SPATA16: variants seen among roughly 807,000 people sequenced by gnomAD.
SPATA16 encodes spermatogenesis-associated protein 16.
A neutral mutation model predicts 63.3 loss-of-function variants in SPATA16; 36 were observed. That is an observed-to-expected ratio of 0.57 (90% confidence interval 0.44 to 0.75). The LOEUF (loss-of-function observed/expected upper bound fraction) is 0.75. Among genes scored for constraint, SPATA16 ranks in the 30% least tolerant of loss-of-function variants. The probability of loss-of-function intolerance (pLI) is 0.00; values close to 1 mark genes in which losing one functional copy is unlikely to be tolerated. For missense variants in SPATA16, 646 were observed against 679.3 expected (o/e 0.95, Z 0.54); for synonymous variants, 203 against 216.7 (o/e 0.94, Z 0.56).
At chr3:173,004,432 C>CAAAA (rs76567834) in intron 4 of SPATA16, among the ~76,000 whole-genome samples, 1 of 103,922 alleles carries the variant, frequency 9.6e-6, no homozygotes, top group African/African-American at 3.3e-5. Context: ...ATACCATATA[C>CAAAA]AAAAAAAAAA....
intron 3 of SPATA16, among the ~76,000 whole-genome samples, chr3:173,033,998 C>T (rs1577141711): frequency 6.6e-6 from 1 of 152,212 alleles, no homozygotes; most frequent in Admixed American, 6.5e-5. Context: ...AGCTGCCGCG[C>T]CTGGCTGAGA....
intron 1 of SPATA16, among the ~76,000 whole-genome samples, chr3:173,136,894 G>A (rs901139777): frequency 6.6e-5 from 10 of 152,176 alleles, no homozygotes; most frequent in Non-Finnish European, 1.3e-4. Flanking sequence ...CAGCCACCAA[G>A]TAGACGAATA....
Position 172,913,649 on chromosome 3 carries a change from T to C in SPATA16, c.1587+12A>G. 10 of 1,612,308 alleles carry C rather than the reference T, an allele frequency of 6.2e-6. No individual in the cohort carries two copies. The highest frequency in any genetic ancestry group is 8.5e-6 in the Non-Finnish European group (10 of 1,178,614). ...GAATAATAGATCTTTTTCCTTCAGC[T>C]CAAAGTTTTACCTTTTGGATCATAT... On this transcript the variant is annotated intron_variant, in intron 10 of 10. Coordinates refer to ENST00000351008, the MANE Select transcript of SPATA16 (RefSeq NM_031955.6).
chr3:173,008,276 T>A (rs1734988275), intron 4 of SPATA16, among the ~76,000 whole-genome samples: 2 of 152,272 alleles, frequency 1.3e-5, no homozygotes, highest in Middle Eastern at 3.4e-3. Context: ...TTTACAAAAA[T>A]TTGTTTATTT....
intron 10 of SPATA16, among the ~76,000 whole-genome samples, chr3:172,909,159 T>C (rs1191591420): frequency 8.5e-5 from 13 of 152,234 alleles, no homozygotes; most frequent in Admixed American, 8.5e-4. Flanking sequence ...CTTGGAGGCC[T>C]TGACTTTACT....
In SPATA16 at chr3:173,093,332, C is replaced by T. The variant is rs189971047; in HGVS notation, c.612+23788G>A. 1.3e-3 allele frequency among the ~76,000 whole-genome samples: 203 copies of T among 152,126 alleles called. 1 individual carries two copies. The highest frequency in any genetic ancestry group is 2.3e-3 in the Non-Finnish European group (158 of 67,960). ...AATGAAATAAAAATTGTGGGAAGCA[C>T]AGCTCTAGACTCTGTCAGATGCCAT... On this transcript the variant is annotated intron_variant, in intron 2 of 10. Transcript: ENST00000351008.
At chr3:173,017,592 C>T (rs1430427969) in intron 4 of SPATA16, among the ~76,000 whole-genome samples, 4 of 152,176 alleles carry the variant, frequency 2.6e-5, no homozygotes, top group Admixed American at 2.6e-4. Flanking sequence ...TAGCTTCTCC[C>T]AGCATTGCTA....
intron 8 of SPATA16, among the ~76,000 whole-genome samples, chr3:172,920,389 TA>T (rs1732592333): frequency 6.6e-6 from 1 of 152,206 alleles, no homozygotes; most frequent in African/African-American, 2.4e-5. Context: ...CTCTGTACTT[TA>T]AAAAAGATAT....
At chr3:173,018,106 A>G (rs116002812) in intron 4 of SPATA16, among the ~76,000 whole-genome samples, 1,601 of 152,272 alleles carry the variant, frequency 0.011, 37 homozygotes, top group African/African-American at 0.036. Context: ...AAAACTGTTC[A>G]AAGTGGATCT....
intron 2 of SPATA16, among the ~76,000 whole-genome samples, chr3:173,087,030 G>A (rs1638868676): frequency 6.6e-6 from 1 of 152,154 alleles, no homozygotes; most frequent in African/African-American, 2.4e-5. Context: ...GATTTCTGTA[G>A]CTATCTGCCA....
At chr3:173,023,137 A>ATGTG (rs11282206) in intron 3 of SPATA16, among the ~76,000 whole-genome samples, 1,857 of 139,934 alleles carry the variant, frequency 0.013, 24 homozygotes, top group Middle Eastern at 0.043. Flanking sequence ...ATGCTTGTGT[A>ATGTG]TGTGTGTGTG....
intron 2 of SPATA16, among the ~76,000 whole-genome samples, chr3:173,076,761 TGTCA>T (rs1232227886): frequency 6.6e-6 from 1 of 152,072 alleles, no homozygotes; most frequent in African/African-American, 2.4e-5. Context: ...TCAGGAAAAA[TGTCA>T]GTATGTTTTT....
At chr3:172,947,847 A>G (rs1733330654) in intron 6 of SPATA16, among the ~76,000 whole-genome samples, 1 of 152,148 alleles carries the variant, frequency 6.6e-6, no homozygotes, top group Non-Finnish European at 1.5e-5. Flanking sequence ...TAAAACCTAG[A>G]TGATGGGTTG....
chr3:173,097,252 T>G (rs1737381111), intron 2 of SPATA16, among the ~76,000 whole-genome samples: 1 of 152,158 alleles, frequency 6.6e-6, no homozygotes, highest in African/African-American at 2.4e-5. Flanking sequence ...AGCTTCTGTT[T>G]AAGTAACCCT....
At position 173,132,742 on chromosome 3, in the gene SPATA16, A is replaced by T. The variant is rs547481022; in HGVS notation, c.-19+8361T>A. Among the ~76,000 whole-genome samples, 169 of 152,312 alleles carry T rather than the reference A, an allele frequency of 1.1e-3. 1 individual carries two copies. The highest frequency in any genetic ancestry group is 3.9e-3 in the African/African-American group (162 of 41,592). On this transcript the variant is annotated intron_variant, in intron 1 of 10. Coordinates refer to ENST00000351008, the MANE Select transcript of SPATA16 (RefSeq NM_031955.6). ...AAACTAATATATAATTAACAAATTA[A>T]TGTAACAAAAAATTAAAATATTTTT...
intron 2 of SPATA16, among the ~76,000 whole-genome samples, chr3:173,065,155 A>G (rs1736484287): frequency 6.6e-6 from 1 of 152,234 alleles, no homozygotes; most frequent in Non-Finnish European, 1.5e-5. Flanking sequence ...GGCTACTAAA[A>G]CCATTTAACC....
intron 2 of SPATA16, among the ~76,000 whole-genome samples, chr3:173,075,495 T>C (rs1239847877): frequency 6.6e-6 from 1 of 152,224 alleles, no homozygotes; most frequent in African/African-American, 2.4e-5. Flanking sequence ...TATAGCAGTA[T>C]TCACAATAGC....
At chr3:173,123,490 C>G (rs532410721) in intron 1 of SPATA16, among the ~76,000 whole-genome samples, 9 of 151,994 alleles carry the variant, frequency 5.9e-5, no homozygotes, top group Admixed American at 2.6e-4. Flanking sequence ...AGATATTTGA[C>G]TTTACTGCTG....
At chr3:173,059,831 GCTTTTTTT>G (rs1736333173) in intron 2 of SPATA16, among the ~76,000 whole-genome samples, 1 of 89,540 alleles carries the variant, frequency 1.1e-5, no homozygotes, top group African/African-American at 4.5e-5. Context: ...CCATTTGGTA[GCTTTTTTT>G]TTTTTTTTTT....
Sources: gnomAD v4.1 joint callset for allele counts (sites outside exome capture counted in the v4.1 genomes callset) on GRCh38, gnomAD v4.1.1 for gene constraint, MANE v1.5 for transcripts, NCBI Gene and HGNC (gene_info 2026-07-23, HGNC 2026-07-21) for gene names.